SVOP: variants seen among roughly 807,000 people sequenced by gnomAD.
SVOP encodes the protein synaptic vesicle 2-related protein.
SVOP carries 17 observed loss-of-function variants against 69.1 expected under a neutral mutation model. The ratio of observed to expected loss-of-function variants is 0.25; its 90% CI spans 0.17 to 0.37. SVOP has a LOEUF of 0.37. Among genes scored for constraint, SVOP ranks in the 10% least tolerant of loss-of-function variants. The pLI, the probability that SVOP is intolerant of heterozygous loss-of-function variation, is 1.00. For missense variants in SVOP, 435 were observed against 597.5 expected, an observed-to-expected ratio of 0.73 and a Z score of 2.84; for synonymous variants, 238 against 238.6, an observed-to-expected ratio of 1.00 and a Z score of 0.02.
chr12:109,019,535 A>C (rs1425601235), intron 1 of SVOP, among the ~76,000 whole-genome samples: 1 of 152,110 alleles, frequency 6.6e-6, no homozygotes, highest in East Asian at 1.9e-4. Flanking sequence ...TTTATTTTTG[A>C]ACATGATATT....
At chr12:108,983,187 T>A (rs2137438209) in intron 2 of SVOP, among the ~76,000 whole-genome samples, 1 of 151,832 alleles carries the variant, frequency 6.6e-6, no homozygotes, top group African/African-American at 2.4e-5. Flanking sequence ...GCCATCTTTA[T>A]CATCACAGTC....
intron 1 of SVOP, among the ~76,000 whole-genome samples, chr12:108,991,003 C>A (rs1262924220): frequency 6.6e-6 from 1 of 152,232 alleles, no homozygotes. Flanking sequence ...TGTCCCCCTG[C>A]CCTCAACCCC....
intron 6 of SVOP, among the ~76,000 whole-genome samples, chr12:108,952,157 T>G (rs1593188519): frequency 6.6e-6 from 1 of 152,112 alleles, no homozygotes; most frequent in Admixed American, 6.6e-5. Context: ...AATCATTGTT[T>G]TAAACCATGA....
intron 4 of SVOP, among the ~76,000 whole-genome samples, chr12:108,974,487 A>G (rs1256997782): frequency 6.6e-6 from 1 of 152,196 alleles, no homozygotes; most frequent in Non-Finnish European, 1.5e-5. Context: ...GAATTATAAT[A>G]GGGTAATGAA....
chr12:108,995,971 CACATACATACATACACACACATACAT>C (rs1453464022), intron 1 of SVOP, among the ~76,000 whole-genome samples: 1 of 151,874 alleles, frequency 6.6e-6, no homozygotes, highest in Non-Finnish European at 1.5e-5. Context: ...TACACACACA[CACATACATACATACACACACATACAT>C]ACATACATAC....
chr12:108,937,305 T>C lies in SVOP; in HGVS notation c.930A>G (p.Thr310=), dbSNP rs2137403389. ...GCAAAGTTGTCCATCTAAAATGGGGTGTGAAAAGGTCCCTCATTTTGCCTC... is the reference window on the plus strand; with the variant it reads ...GCAAAGTTGTCCATCTAAAATGGGGCGTGAAAAGGTCCCTCATTTTGCCTC... ...EDRGKMRDLF[T]PHFRWTTLLL... Residue 310 remains threonine (T), a synonymous_variant, in exon 10 of 16, where the codon ACA becomes ACG. Transcript: ENST00000610966. The C allele has an allele frequency of 6.2e-7, 1 of 1,613,744 alleles. No individual in the cohort carries two copies. The highest frequency in any genetic ancestry group is 8.5e-7 in the Non-Finnish European group (1 of 1,179,820).
rs902752010 is a variant in SVOP at position 108,911,231 on chromosome 12, C to G, written c.*1304G>C. The G allele has an allele frequency of 1.6e-4, 24 of 152,268 alleles. No individual in the cohort carries two copies. Among genetic ancestry groups the G allele is most frequent in the Admixed American group, 1.2e-3 (19 of 15,282 alleles). The allele number at this position is 152,268 out of a possible 1,614,324, so 9.4% of individuals were successfully genotyped here. ...TGCCTTTGTGTAATGATCAAGACGT[C>G]CCTGGACAGAGGAGCAGCTTCGCAT... On this transcript the variant is annotated 3_prime_UTR_variant, in exon 16 of 16. Coordinates refer to ENST00000610966, the MANE Select transcript of SVOP (RefSeq NM_018711.5).
At chr12:108,968,450 C>T (rs2040059370) in intron 5 of SVOP, among the ~76,000 whole-genome samples, 1 of 152,158 alleles carries the variant, frequency 6.6e-6, no homozygotes, top group African/African-American at 2.4e-5. Context: ...AGAGACAAAA[C>T]CCACCTGCCC....
intron 15 of SVOP, among the ~76,000 whole-genome samples, chr12:108,913,054 A>G (rs568973782): frequency 2.6e-5 from 4 of 151,398 alleles, no homozygotes; most frequent in East Asian, 1.9e-4. Flanking sequence ...GATCTCAAGT[A>G]TTCTTTTTTT....
chr12:108,989,416 T>G (rs1431363316), intron 1 of SVOP, among the ~76,000 whole-genome samples: 2 of 116,796 alleles, frequency 1.7e-5, no homozygotes, highest in Non-Finnish European at 3.7e-5. Flanking sequence ...GAGGAAGGAG[T>G]CTAAAGAGAA....
intron 1 of SVOP, among the ~76,000 whole-genome samples, chr12:108,989,324 C>T (rs1451227819): frequency 1.3e-5 from 2 of 152,190 alleles, no homozygotes; most frequent in African/African-American, 2.4e-5. Context: ...ATCCTCCCGC[C>T]TTGGCCTCCC....
intron 5 of SVOP, among the ~76,000 whole-genome samples, chr12:108,971,979 G>A (rs1284540479): frequency 6.6e-6 from 1 of 151,894 alleles, no homozygotes; most frequent in Non-Finnish European, 1.5e-5. Context: ...GCTTGAGCCT[G>A]GGAGGTTGAG....
intron 11 of SVOP, among the ~76,000 whole-genome samples, chr12:108,929,083 C>T (rs969605268): frequency 6.6e-6 from 1 of 152,206 alleles, no homozygotes; most frequent in Admixed American, 6.5e-5. Flanking sequence ...TCAAATCTGG[C>T]ACAAAGATAC....
Position 108,972,481 on chromosome 12 carries a change from G to T in SVOP, c.382-5C>A, listed in dbSNP as rs558534992. On this transcript the variant is annotated splice_region_variant and splice_polypyrimidine_tract_variant and intron_variant, in intron 4 of 15. Transcript: ENST00000610966. ...CATCATGCCTACAAAGACCACCTGT[G>T]GGGGGAAAGACAGTTGTCATTAGAC... The T allele has an allele frequency of 8.5e-6, 13 of 1,537,000 alleles. No homozygotes were observed. Among genetic ancestry groups the T allele is most frequent in the Admixed American group, 3.9e-5 (2 of 50,974 alleles).
intron 11 of SVOP, among the ~76,000 whole-genome samples, chr12:108,927,021 G>A (rs1488526985): frequency 6.6e-6 from 1 of 152,198 alleles, no homozygotes; most frequent in African/African-American, 2.4e-5. Flanking sequence ...TCTCTCCAGA[G>A]CAAAGGACAG....
In SVOP at chr12:108,983,695, A is replaced by G; in HGVS notation, c.102T>C (p.His34=). The part of the protein sequence containing the change: ...RSEDDTASGE[H]EVQIEGVHVG... ...CGTGGACCCCTTCAATCTGGACTTC[A>G]TGCTCTCCTGAAGCCGTGTCGTCCT... The change falls in exon 2 of 16, where the codon CAT becomes CAC. Residue 34 remains histidine (H), a synonymous_variant. Transcript: ENST00000610966. 1 of 398,780 alleles carries G rather than the reference A, an allele frequency of 2.5e-6. No homozygotes were observed. The highest frequency in any genetic ancestry group is 3.6e-5 in the East Asian group (1 of 28,074). The allele number at this position is 398,780 out of a possible 1,614,324, so 24.7% of individuals were successfully genotyped here.
chr12:108,929,168 C>G (rs917626438), intron 11 of SVOP, among the ~76,000 whole-genome samples: 4 of 152,178 alleles, frequency 2.6e-5, no homozygotes, highest in Non-Finnish European at 4.4e-5. Context: ...AGATGAAATA[C>G]GTTCATATGC....
At chr12:108,930,103 G>T (rs916754503) in intron 11 of SVOP, among the ~76,000 whole-genome samples, 2 of 152,122 alleles carry the variant, frequency 1.3e-5, no homozygotes. Flanking sequence ...ATGATTTTTA[G>T]AAATTAAAAG....
chr12:108,912,781 T>C, intron 15 of SVOP, 40 bp from the exon 16 acceptor site: 2 of 1,589,490 alleles, frequency 1.3e-6, no homozygotes, highest in South Asian at 1.1e-5. Flanking sequence ...GCATCCCTTC[T>C]GAAGCACAGA....
Sources: allele counts gnomAD v4.1 joint callset (sites outside exome capture counted in the v4.1 genomes callset), GRCh38; gene constraint gnomAD v4.1.1; transcripts MANE v1.5; gene names NCBI Gene and HGNC (gene_info 2026-07-23, HGNC 2026-07-21).